MOXD1: variants seen among roughly 807,000 people sequenced by gnomAD.
MOXD1 encodes the protein monooxygenase DBH like 1, also known as DBH-like monooxygenase protein 1.
In MOXD1, 62 loss-of-function variants were observed where a neutral mutation model predicts 66.6. That is an observed-to-expected ratio of 0.93 (90% CI 0.76 to 1.15). The LOEUF (loss-of-function observed/expected upper bound fraction) is 1.15, where lower values mean the gene tolerates loss of function less well. MOXD1 is among the 50% of genes most tolerant of loss of function. The pLI is 0.00. For synonymous variants in MOXD1, 303 were observed against 281.9 expected, an observed-to-expected ratio of 1.07 and a Z score of -0.75; for missense variants, 847 against 754.6, an observed-to-expected ratio of 1.12 and a Z score of -1.44.
At chr6:132,353,083 C>T (rs1278405476) in intron 4 of MOXD1, among the ~76,000 whole-genome samples, 1 of 152,122 alleles carries the variant, frequency 6.6e-6, no homozygotes, top group Admixed American at 6.5e-5. Context: ...TTGGTAAGTT[C>T]TTATCCATTC....
At chr6:132,303,060 A>C (rs57484838) in intron 10 of MOXD1, among the ~76,000 whole-genome samples, 3 of 149,730 alleles carry the variant, frequency 2.0e-5, no homozygotes, top group Admixed American at 2.0e-4. Context: ...GATCCACCTA[A>C]ATGTAAAAGC....
intron 1 of MOXD1, among the ~76,000 whole-genome samples, chr6:132,397,342 C>T (rs940081697): frequency 3.3e-5 from 5 of 152,238 alleles, no homozygotes; most frequent in Non-Finnish European, 7.3e-5. Flanking sequence ...ATGGGCAAAG[C>T]CCCCAATACT....
At chr6:132,310,438 A>C (rs2114545406) in intron 10 of MOXD1, among the ~76,000 whole-genome samples, 1 of 152,286 alleles carries the variant, frequency 6.6e-6, no homozygotes, top group Non-Finnish European at 1.5e-5. Flanking sequence ...ACAGTATGGC[A>C]ATTCTTCAAG....
chr6:132,318,472 G>A (rs1425383679), intron 9 of MOXD1, among the ~76,000 whole-genome samples: 3 of 151,944 alleles, frequency 2.0e-5, no homozygotes, highest in African/African-American at 7.2e-5. Flanking sequence ...TATTATATGG[G>A]TTGTTATTTC....
rs756811798 is a variant in MOXD1, at chr6:132,328,421, A to C, written c.837T>G (p.Gly279=). 6.2e-6 allele frequency: 10 copies of C among 1,613,846 alleles called. No homozygotes were observed. Among genetic ancestry groups the C allele is most frequent in the Middle Eastern group, 1.6e-4 (1 of 6,080 alleles). The stretch of plus-strand genomic sequence containing the variant: ...CAGTAATCATTAGCCCCACCTCTCC[A>C]CCAATAGCCCAGGCAAAAATCACAG... ...CETVIFAWAI[G]GEGFSYPPHV... Residue 279 remains glycine, a synonymous_variant, in exon 5 of 12, where the codon GGT becomes GGG. Transcript: ENST00000367963.
chr6:132,352,993 G>T (rs932902000), intron 4 of MOXD1, among the ~76,000 whole-genome samples: 1 of 152,138 alleles, frequency 6.6e-6, no homozygotes, highest in Non-Finnish European at 1.5e-5. Context: ...TGCATGAAAT[G>T]CCTTTCTCCA....
At chr6:132,318,083 T>A (rs1774996933) in intron 9 of MOXD1, among the ~76,000 whole-genome samples, 1 of 152,100 alleles carries the variant, frequency 6.6e-6, no homozygotes, top group Non-Finnish European at 1.5e-5. Context: ...AATACCACAT[T>A]TATTTGTTCT....
rs745361687 is a variant in MOXD1 at position 132,401,334 on chromosome 6, C to T, written c.93G>A (p.Leu31=). The part of the protein sequence containing the change: ...SGRTYPHRTL[L]DSEGKYWLGW... Reference sequence around the variant, plus strand: ...CCAGCCAGTACTTGCCCTCCGAGTCCAGGAGGGTCCGGTGCGGATAGGTTC... The same window carrying T: ...CCAGCCAGTACTTGCCCTCCGAGTCTAGGAGGGTCCGGTGCGGATAGGTTC... The change falls in exon 1 of 12, where the codon CTG becomes CTA. Residue 31 remains leucine (L), a synonymous_variant. Coordinates refer to ENST00000367963, the MANE Select transcript of MOXD1 (RefSeq NM_015529.4). 2.4e-5 allele frequency: 38 copies of T among 1,584,316 alleles called. No individual in the cohort carries two copies. The African/African-American group carries it at 2.7e-4, about 11-fold the overall frequency.
At chr6:132,318,384 G>T (rs1775002555) in intron 9 of MOXD1, among the ~76,000 whole-genome samples, 1 of 151,984 alleles carries the variant, frequency 6.6e-6, no homozygotes, top group African/African-American at 2.4e-5. Context: ...TGCCAAACTG[G>T]TTAGTTCAAA....
rs115385192 is a variant in MOXD1, at chr6:132,392,513, C to T, written c.264+8650G>A. Among the ~76,000 whole-genome samples the T allele has an allele frequency of 5.1e-3, 776 of 152,198 alleles. 8 individuals are homozygous for T. Among genetic ancestry groups the T allele is most frequent in the African/African-American group, 0.017 (709 of 41,510 alleles). ...AATGATTCGGGCGGGGGTGGAGTTG[C>T]TCTGTGTCAAAAAGGGGCAAAGAAC... On this transcript the variant is annotated intron_variant, in intron 1 of 11. Transcript: ENST00000367963.
intron 4 of MOXD1, among the ~76,000 whole-genome samples, chr6:132,328,947 C>T (rs896762365): frequency 6.6e-6 from 1 of 152,100 alleles, no homozygotes; most frequent in Non-Finnish European, 1.5e-5. Flanking sequence ...TCTTCCTCCT[C>T]CTGCCTCTCA....
intron 7 of MOXD1, 101 bp downstream of exon 7, chr6:132,323,830 G>A (rs74473764): frequency 3.1e-6 from 4 of 1,290,292 alleles, no homozygotes; most frequent in Non-Finnish European, 4.2e-6. Context: ...GTGTCAACAA[G>A]AAAGGAATCG....
In MOXD1 at chr6:132,394,091, C is replaced by T. The variant is rs115532544; in HGVS notation, c.264+7072G>A. ...CTAATGCTCAACCCACTGCTGCCAC[C>T]ACTGAGGCCCAAAGACTGGCCCACC... On this transcript the variant is annotated intron_variant, in intron 1 of 11. Coordinates refer to ENST00000367963, the MANE Select transcript of MOXD1 (RefSeq NM_015529.4). Among the ~76,000 whole-genome samples the T allele has an allele frequency of 5.8e-3, 883 of 152,314 alleles. 11 individuals are homozygous for T. The highest frequency in any genetic ancestry group is 0.02 in the African/African-American group (828 of 41,562).
Position 132,297,246 on chromosome 6 carries a change from C to T in MOXD1, c.1749G>A (p.Thr583=), listed in dbSNP as rs146840521. The change falls in exon 12 of 12, where the codon ACG becomes ACA. Residue 583 remains threonine, a synonymous_variant. Transcript: ENST00000367963. ...CTCTGTGCAGGGAAGAGGAAGAAGA[C>T]GTGCCACACACCAAAGGTTCTGCTT... The part of the protein sequence containing the change: ...PYKAEPLVCG[T]SSSSSLHRDF... 841 of 1,613,616 alleles carry T rather than the reference C, an allele frequency of 5.2e-4. 3 individuals are homozygous for T. Among genetic ancestry groups the T allele is most frequent in the Non-Finnish European group, 6.5e-4 (765 of 1,179,652 alleles).
intron 4 of MOXD1, among the ~76,000 whole-genome samples, chr6:132,351,093 C>T (rs1775791286): frequency 1.3e-5 from 2 of 152,090 alleles, no homozygotes; most frequent in Admixed American, 1.3e-4. Context: ...CAAACAGGGA[C>T]AGTTTGACTT....
Position 132,322,800 on chromosome 6 carries a change from C to CT in MOXD1, c.1183dup (p.Arg395LysfsTer20). 3.1e-6 allele frequency: 5 copies of CT among 1,614,136 alleles called. No homozygotes were observed. The highest frequency in any genetic ancestry group is 4.2e-6 in the Non-Finnish European group (5 of 1,180,010). ...TCGAAAATGACGCAGCCTGATGCCT[C>CT]TGCCAGCCAGGTGAGCATGGAGAAG... On this transcript the variant is annotated frameshift_variant, in exon 8 of 12. Coordinates refer to ENST00000367963, the MANE Select transcript of MOXD1 (RefSeq NM_015529.4). LOFTEE classifies it high-confidence loss of function.
Position 132,313,261 on chromosome 6 carries a change from C to T in MOXD1, c.1508+2374G>A, listed in dbSNP as rs955800419. On this transcript the variant is annotated intron_variant, in intron 10 of 11. Transcript: ENST00000367963. ...GTTTCTATTTCCTCCCCTATAAAAC[C>T]GGGATTGCATGTCTTGCTCTACCTG... 2.5e-4 allele frequency among the ~76,000 whole-genome samples: 38 copies of T among 152,082 alleles called. 1 individual carries two copies. The highest frequency in any genetic ancestry group is 1.7e-3 in the East Asian group (9 of 5,170).
At chr6:132,335,248 C>T (rs568028107) in intron 4 of MOXD1, among the ~76,000 whole-genome samples, 3 of 151,630 alleles carry the variant, frequency 2.0e-5, no homozygotes, top group African/African-American at 4.8e-5. Context: ...TAGCCAATTA[C>T]CTAAACAATA....
intron 1 of MOXD1, among the ~76,000 whole-genome samples, chr6:132,386,140 C>G (rs1461200650): frequency 3.0e-5 from 4 of 131,784 alleles, no homozygotes; most frequent in African/African-American, 1.2e-4. Flanking sequence ...CGGTGGCTCA[C>G]GCCTGTAATC....
Sources: allele counts gnomAD v4.1 joint callset (sites outside exome capture counted in the v4.1 genomes callset), GRCh38; gene constraint gnomAD v4.1.1; transcripts MANE v1.5; gene names NCBI Gene and HGNC (gene_info 2026-07-23, HGNC 2026-07-21).